Variants in DPP6 observed in about 807,000 individuals in gnomAD.
The protein encoded by DPP6 is dipeptidyl peptidase like 6.
Under a neutral mutation model 122.6 loss-of-function variants are expected in DPP6, and 69 were observed. That is an observed-to-expected ratio of 0.56 (90% CI 0.46 to 0.69). DPP6 has a LOEUF of 0.69. Among genes scored for constraint, DPP6 ranks in the 30% least tolerant of loss-of-function variants. The pLI, the probability that DPP6 is intolerant of heterozygous loss-of-function variation, is 0.00. For synonymous variants in DPP6, 418 were observed against 433.1 expected (o/e 0.97, Z 0.43); for missense variants, 928 against 1,116.9 (o/e 0.83, Z 2.41).
intron 3 of DPP6, among the ~76,000 whole-genome samples, chr7:154,509,340 CAAGA>C (rs1825885748): frequency 6.6e-6 from 1 of 152,034 alleles, no homozygotes; most frequent in Admixed American, 6.6e-5. Context: ...GACATATCTC[CAAGA>C]AAGATTTACA....
chr7:154,311,497 C>CAAA lies in DPP6; in HGVS notation c.244-134716_244-134715insAAA, dbSNP rs1423467022. On this transcript the variant is annotated intron_variant, in intron 1 of 25. Coordinates refer to ENST00000377770, the MANE Select transcript of DPP6 (RefSeq NM_130797.4). ...GGGCAATGGAGTGAAACCCTGTCTCCACAAAAAAAAAAAAGAAAAAGAAAA... is the reference window on the plus strand; with the variant it reads ...GGGCAATGGAGTGAAACCCTGTCTCCAAAACAAAAAAAAAAAAGAAAAAGAAAA... Among the ~76,000 whole-genome samples the CAAA allele has an allele frequency of 2.3e-3, 269 of 116,656 alleles. 2 individuals are homozygous for CAAA. The highest frequency in any genetic ancestry group is 9.2e-3 in the African/African-American group (251 of 27,250). 76.5% of individuals were successfully genotyped at this position (116,656 alleles called of 152,430 possible).
At position 154,404,697 on chromosome 7, in the gene DPP6, T is replaced by A. The variant is rs151064145; in HGVS notation, c.244-41517T>A. 3.9e-5 allele frequency among the ~76,000 whole-genome samples: 6 copies of A among 152,314 alleles called. No individual in the cohort carries two copies. The East Asian group carries it at 1.2e-3, about 29-fold the overall frequency. ...ATAAAATCAGTACCTATTTCAATAGTTGTGATTCGATAAAATGGACTCCTC... is the reference window on the plus strand; with the variant it reads ...ATAAAATCAGTACCTATTTCAATAGATGTGATTCGATAAAATGGACTCCTC... On this transcript the variant is annotated intron_variant, in intron 1 of 25. Transcript: ENST00000377770.
At chr7:154,475,119 C>T (rs905293950) in intron 3 of DPP6, 82 bp downstream of exon 3, 3 of 1,066,658 alleles carry the variant, frequency 2.8e-6, no homozygotes, top group Non-Finnish European at 4.4e-6. Flanking sequence ...TAGTAATTTG[C>T]CTCTCGGATT....
intron 13 of DPP6, among the ~76,000 whole-genome samples, chr7:154,802,246 T>TATG (rs1275241949): frequency 6.6e-6 from 1 of 152,172 alleles, no homozygotes; most frequent in Non-Finnish European, 1.5e-5. Context: ...ATTCTATGGC[T>TATG]ATGACATAGA....
chr7:154,146,856 C>T (rs1488134750), intron 1 of DPP6, among the ~76,000 whole-genome samples: 1 of 151,992 alleles, frequency 6.6e-6, no homozygotes, highest in African/African-American at 2.4e-5. Flanking sequence ...GCACTTCCTC[C>T]CTGCTCCCGT....
intron 1 of DPP6, among the ~76,000 whole-genome samples, chr7:153,963,056 A>G (rs60661502): frequency 0.086 from 13,160 of 152,206 alleles, 1,101 homozygotes; most frequent in East Asian, 0.45. Flanking sequence ...ACTATTTTCT[A>G]TACATTTATT....
At chr7:154,758,571 C>T (rs1795305435) in intron 8 of DPP6, among the ~76,000 whole-genome samples, 1 of 152,000 alleles carries the variant, frequency 6.6e-6, no homozygotes, top group African/African-American at 2.4e-5. Context: ...GGGGTTTCAC[C>T]ATGTTGACCA....
chr7:154,299,811 AG>A, intron 1 of DPP6, among the ~76,000 whole-genome samples: 1 of 152,192 alleles, frequency 6.6e-6, no homozygotes, highest in Non-Finnish European at 1.5e-5. Flanking sequence ...TGATATTCGA[AG>A]CAAAGCGACT....
chr7:154,575,815 G>T (rs1252809020), intron 5 of DPP6, among the ~76,000 whole-genome samples: 3 of 149,786 alleles, frequency 2.0e-5, no homozygotes, highest in Admixed American at 6.7e-5. Flanking sequence ...TGTGTGTGTA[G>T]TGTGTGTGTG....
chr7:154,516,639 A>G (rs1230553431), intron 3 of DPP6, among the ~76,000 whole-genome samples: 1 of 152,240 alleles, frequency 6.6e-6, no homozygotes, highest in Admixed American at 6.5e-5. Context: ...GAGTGAGGAC[A>G]TAAGACTCAG....
At chr7:154,145,238 C>T (rs867230126) in intron 1 of DPP6, among the ~76,000 whole-genome samples, 14 of 146,512 alleles carry the variant, frequency 9.6e-5, no homozygotes, top group African/African-American at 3.5e-4. Context: ...ACAGAGGAGG[C>T]GACTAGAGAG....
At chr7:154,380,350 A>G (rs1212781286) in intron 1 of DPP6, among the ~76,000 whole-genome samples, 3 of 152,230 alleles carry the variant, frequency 2.0e-5, no homozygotes, top group Admixed American at 6.5e-5. Context: ...GTGTGTGTGT[A>G]CACACAAATG....
chr7:154,443,414 T>G (rs1042981262), intron 1 of DPP6, among the ~76,000 whole-genome samples: 2 of 152,232 alleles, frequency 1.3e-5, no homozygotes, highest in Non-Finnish European at 2.9e-5. Flanking sequence ...ATCTGTTTTA[T>G]TCATTCTTGT....
intron 1 of DPP6, among the ~76,000 whole-genome samples, chr7:153,974,702 C>T (rs1214259701): frequency 6.6e-6 from 1 of 152,164 alleles, no homozygotes; most frequent in East Asian, 1.9e-4. Context: ...ACATTCTGTC[C>T]TTTGTTTCAC....
At position 154,713,185 on chromosome 7, in the gene DPP6, G is replaced by A. The variant is rs144147253; in HGVS notation, c.763-14582G>A. ...GGTCATGCTGATGCAACAAGTGAGC[G>A]CCCATGGGGGCAGCTCTGCCCTTGT... On this transcript the variant is annotated intron_variant, in intron 7 of 25. Coordinates refer to ENST00000377770, the MANE Select transcript of DPP6 (RefSeq NM_130797.4). 4.3e-3 allele frequency among the ~76,000 whole-genome samples: 654 copies of A among 152,368 alleles called. 3 individuals are homozygous for A. Among genetic ancestry groups the A allele is most frequent in the Non-Finnish European group, 6.6e-3 (448 of 68,030 alleles).
At position 154,353,371 on chromosome 7, in the gene DPP6, G is replaced by C. The variant is rs1018013562; in HGVS notation, c.244-92843G>C. 2.0e-5 allele frequency among the ~76,000 whole-genome samples: 3 copies of C among 152,136 alleles called. No individual in the cohort carries two copies. In the South Asian group the frequency reaches 6.2e-4, roughly 31 times the overall value. On this transcript the variant is annotated intron_variant, in intron 1 of 25. Transcript: ENST00000377770. ...GATACATGAGCATGCAAGCAGACGTGCCCAGTATAGCGAGAACCAGAATAA... is the reference window on the plus strand; with the variant it reads ...GATACATGAGCATGCAAGCAGACGTCCCCAGTATAGCGAGAACCAGAATAA...
intron 13 of DPP6, 81 bp downstream of exon 13, chr7:154,801,543 C>T (rs1798367156): frequency 6.8e-7 from 1 of 1,461,384 alleles, no homozygotes; most frequent in Middle Eastern, 2.5e-4. Flanking sequence ...GGGCTGGGCA[C>T]ACTTGCGTTT....
chr7:154,031,513 T>C (rs1799228009), intron 1 of DPP6, among the ~76,000 whole-genome samples: 2 of 151,996 alleles, frequency 1.3e-5, no homozygotes, highest in African/African-American at 4.8e-5. Flanking sequence ...GATATTCCCA[T>C]ATCACAGTGG....
chr7:154,310,674 C>T (rs1050424048), intron 1 of DPP6, among the ~76,000 whole-genome samples: 5 of 152,290 alleles, frequency 3.3e-5, no homozygotes, highest in South Asian at 2.1e-4. Flanking sequence ...ATGGAGAACA[C>T]GTGAGGGCTG....
Sources: allele counts gnomAD v4.1 joint callset (sites outside exome capture counted in the v4.1 genomes callset), GRCh38; gene constraint gnomAD v4.1.1; transcripts MANE v1.5; gene names NCBI Gene and HGNC (gene_info 2026-07-23, HGNC 2026-07-21).